Variants in KLHL25 observed in about 807,000 individuals in gnomAD.
The protein encoded by KLHL25 is kelch like family member 25, also known as kelch-like protein 25.
In KLHL25, 41 loss-of-function variants were observed where a neutral mutation model predicts 30.0. The ratio of observed to expected loss-of-function variants is 1.37; its 90% CI spans 1.07 to 1.78. The LOEUF is 1.78. KLHL25 is among the 40% of genes most tolerant of loss of function. The pLI, the probability that KLHL25 is intolerant of heterozygous loss-of-function variation, is 0.00. For synonymous variants in KLHL25, 399 were observed against 355.3 expected, an observed-to-expected ratio of 1.12 and a Z score of -1.38; for missense variants, 971 against 824.5, an observed-to-expected ratio of 1.18 and a Z score of -2.18.
chr15:85,772,796 C>T (rs575441383), intron 1 of KLHL25, among the ~76,000 whole-genome samples: 53 of 152,376 alleles, frequency 3.5e-4, no homozygotes, highest in Admixed American at 1.2e-3. Flanking sequence ...GGTCCCAGAG[C>T]TGACAGATAC....
intron 1 of KLHL25, among the ~76,000 whole-genome samples, chr15:85,785,894 C>T (rs907915490): frequency 3.3e-5 from 5 of 152,162 alleles, no homozygotes; most frequent in Admixed American, 2.6e-4. Flanking sequence ...CTCACTCCAA[C>T]TCAGCGAAAT....
chr15:85,781,691 C>T (rs924661829), intron 1 of KLHL25, among the ~76,000 whole-genome samples: 2 of 152,084 alleles, frequency 1.3e-5, no homozygotes, highest in African/African-American at 4.8e-5. Context: ...ACCATGTTGG[C>T]CAGGCTGGTC....
intron 1 of KLHL25, among the ~76,000 whole-genome samples, chr15:85,792,881 G>A (rs1157021925): frequency 2.0e-5 from 3 of 152,030 alleles, no homozygotes; most frequent in Non-Finnish European, 2.9e-5. Flanking sequence ...ATGTGTCAGG[G>A]CCCCTAATCC....
chr15:85,779,177 G>T (rs1567241701), intron 1 of KLHL25, among the ~76,000 whole-genome samples: 1 of 152,088 alleles, frequency 6.6e-6, no homozygotes, highest in African/African-American at 2.4e-5. Context: ...GCCATGGATG[G>T]GCAGCACCTG....
At chr15:85,782,300 G>GT (rs1213245249) in intron 1 of KLHL25, among the ~76,000 whole-genome samples, 1 of 152,018 alleles carries the variant, frequency 6.6e-6, no homozygotes, top group Non-Finnish European at 1.5e-5. Flanking sequence ...TTGCATTGGG[G>GT]TTTTCCTTCC....
At chr15:85,766,910 C>T (rs2089629218) in intron 2 of KLHL25, among the ~76,000 whole-genome samples, 1 of 152,208 alleles carries the variant, frequency 6.6e-6, no homozygotes, top group South Asian at 2.1e-4. Context: ...TCTGTTCCCA[C>T]CATGCAGGCT....
At position 85,776,750 on chromosome 15, in the gene KLHL25, C is replaced by T. The variant is rs551333518; in HGVS notation, c.-10-6930G>A. Among the ~76,000 whole-genome samples, 51 of 151,732 alleles carry T rather than the reference C, an allele frequency of 3.4e-4. 1 individual carries two copies. On this transcript the variant is annotated intron_variant, in intron 1 of 2. Transcript: ENST00000337975. ...ACCATCCTGGCTAACACAGTGAAAC[C>T]CTGCCTCTACTAAAAATACAAAAAA...
rs1450689311 is a variant in KLHL25, at chr15:85,769,153, G to A, written c.658C>T (p.His220Tyr). 1 of 1,612,614 alleles carries A rather than the reference G, an allele frequency of 6.2e-7. No individual in the cohort carries two copies. The highest frequency in any genetic ancestry group is 1.7e-5 in the Admixed American group (1 of 60,022). ...VFEAILQWVKHDLEPRKVHLP... is the reference protein window; with the variant it reads ...VFEAILQWVKYDLEPRKVHLP... ...TGGACCTTCCGTGGCTCCAGGTCGT[G>A]CTTCACCCACTGGAGGATGGCCTCG... Residue 220 changes from histidine to tyrosine, a missense_variant, in exon 2 of 3, where the codon CAC becomes TAC. Coordinates refer to ENST00000337975, the MANE Select transcript of KLHL25 (RefSeq NM_022480.4).
chr15:85,785,772 T>C (rs748600309), intron 1 of KLHL25, among the ~76,000 whole-genome samples: 1 of 152,140 alleles, frequency 6.6e-6, no homozygotes, highest in Non-Finnish European at 1.5e-5. Context: ...ATTTTGCTTG[T>C]AATTGTACCT....
chr15:85,782,758 C>T (rs1567242518), intron 1 of KLHL25, among the ~76,000 whole-genome samples: 2 of 152,176 alleles, frequency 1.3e-5, no homozygotes, highest in East Asian at 3.9e-4. Flanking sequence ...TTTGTCTTGT[C>T]TCCTAGAATG....
chr15:85,771,879 A>G (rs1209082006), intron 1 of KLHL25, among the ~76,000 whole-genome samples: 1 of 152,142 alleles, frequency 6.6e-6, no homozygotes, highest in African/African-American at 2.4e-5. Context: ...TCCTGAGCAC[A>G]TCCTCGAAGC....
At chr15:85,770,446 G>T (rs779539851) in intron 1 of KLHL25, 1 of 522,978 alleles carries the variant, frequency 1.9e-6, no homozygotes, top group Non-Finnish European at 3.9e-6. Context: ...TCTGCCCTGG[G>T]CCGGGCTCCA....
intron 1 of KLHL25, among the ~76,000 whole-genome samples, chr15:85,788,779 C>G (rs1166884920): frequency 6.6e-6 from 1 of 152,206 alleles, no homozygotes; most frequent in Non-Finnish European, 1.5e-5. Flanking sequence ...ATGAACAAAG[C>G]TGGGTACCTT....
At chr15:85,761,598 TCTGCAG>T (rs2089583580) in intron 2 of KLHL25, 1 of 150,264 alleles carries the variant, frequency 6.7e-6, no homozygotes, top group Non-Finnish European at 1.5e-5. Flanking sequence ...CTCTCCTGGT[TCTGCAG>T]CTTGCAGCCT....
intron 1 of KLHL25, chr15:85,771,080 G>A (rs1039055251): frequency 3.2e-5 from 6 of 186,372 alleles, no homozygotes; most frequent in Admixed American, 5.0e-5. Flanking sequence ...CAAGTCTCCC[G>A]ATCAGGAATT....
At chr15:85,781,475 G>A (rs151171351) in intron 1 of KLHL25, among the ~76,000 whole-genome samples, 265 of 152,114 alleles carry the variant, frequency 1.7e-3, no homozygotes, top group African/African-American at 4.1e-3. Flanking sequence ...TTGCGGTAGC[G>A]GATTTTTCTT....
chr15:85,770,965 C>T (rs549108914), intron 1 of KLHL25: 37 of 218,494 alleles, frequency 1.7e-4, no homozygotes, highest in Middle Eastern at 3.3e-3. Flanking sequence ...AGCCAACAGG[C>T]GGCAAAACTC....
At chr15:85,783,593 G>A (rs969812333) in intron 1 of KLHL25, among the ~76,000 whole-genome samples, 3 of 151,922 alleles carry the variant, frequency 2.0e-5, no homozygotes, top group African/African-American at 7.3e-5. Context: ...TCAGGAGGCT[G>A]AGACAGGACT....
At chr15:85,769,999 G>A (rs1277411310) in intron 1 of KLHL25, among the ~76,000 whole-genome samples, 179 bp from the exon 2 acceptor site, 1 of 152,216 alleles carries the variant, frequency 6.6e-6, no homozygotes, top group Non-Finnish European at 1.5e-5. Flanking sequence ...AGAGTGGCTG[G>A]GTCTCACCCT....
Sources: allele counts gnomAD v4.1 joint callset (sites outside exome capture counted in the v4.1 genomes callset), GRCh38; gene constraint gnomAD v4.1.1; transcripts MANE v1.5; gene names NCBI Gene and HGNC (gene_info 2026-07-23, HGNC 2026-07-21).